The following WDHD1 variants were observed in gnomAD, a reference collection of about 807,000 sequenced individuals.
WDHD1 encodes the protein WD repeat and HMG-box DNA-binding protein 1.
WDHD1 carries 111 observed loss-of-function variants against 135.4 expected under a neutral mutation model. That is an observed-to-expected ratio of 0.82 (90% confidence interval 0.70 to 0.96). The LOEUF is 0.96. Among genes scored for constraint, WDHD1 ranks in the 40% least tolerant of loss-of-function variants. The pLI is 0.00. For synonymous variants in WDHD1, 434 were observed against 439.0 expected, an observed-to-expected ratio of 0.99 and a Z score of 0.14; for missense variants, 1,351 against 1,336.3, an observed-to-expected ratio of 1.01 and a Z score of -0.17.
At chr14:54,980,761 G>A (rs1200409220) in intron 16 of WDHD1, among the ~76,000 whole-genome samples, 1 of 136,026 alleles carries the variant, frequency 7.4e-6, no homozygotes, top group East Asian at 2.1e-4. Flanking sequence ...CTGAGATCAC[G>A]CCACTGTACT....
intron 2 of WDHD1, among the ~76,000 whole-genome samples, chr14:55,014,264 A>AT (rs2042224219): frequency 6.6e-6 from 1 of 152,040 alleles, no homozygotes; most frequent in East Asian, 1.9e-4. Flanking sequence ...TGGCTAATTT[A>AT]TTTTTTGTAG....
chr14:55,005,768 T>C, intron 7 of WDHD1: 1 of 348,936 alleles, frequency 2.9e-6, no homozygotes, highest in Non-Finnish European at 5.3e-6. Flanking sequence ...CAGAAAGCCC[T>C]CATGGGCTTT....
intron 21 of WDHD1, 149 bp downstream of exon 21, chr14:54,962,349 A>T: frequency 1.5e-6 from 1 of 685,316 alleles, no homozygotes. Flanking sequence ...ATAGCTTCAC[A>T]AACAACATCT....
rs1198128976 is a variant in WDHD1, at chr14:55,013,495, C to A, written c.179G>T (p.Cys60Phe). The A allele has an allele frequency of 6.2e-7, 1 of 1,612,384 alleles. No homozygotes were observed. The highest frequency in any genetic ancestry group is 2.2e-5 in the East Asian group (1 of 44,856). The change falls in exon 3 of 26, where the codon TGT becomes TTT. Residue 60 changes from cysteine to phenylalanine, a missense_variant. Cys to Phe is a radical substitution (Grantham distance 205). Transcript: ENST00000360586. The stretch of plus-strand genomic sequence containing the variant: ...AACTGTTTTTACTACCTTCAAAGCA[C>A]ATGAATATGCCTTTTCTCCAACATT... Reference protein sequence around the residue: ...FINVGEKAYSCALKSGKLVTA... With the variant: ...FINVGEKAYSFALKSGKLVTA...
At chr14:55,014,846 G>C (rs961158345) in intron 2 of WDHD1, among the ~76,000 whole-genome samples, 3 of 152,040 alleles carry the variant, frequency 2.0e-5, no homozygotes, top group African/African-American at 7.2e-5. Flanking sequence ...ACACTGGGAA[G>C]TCAAAGAACA....
At position 54,991,397 on chromosome 14, in the gene WDHD1, A is replaced by G; in HGVS notation, c.1157T>C (p.Ile386Thr). Residue 386 changes from isoleucine (I) to threonine (T), a missense_variant, in exon 12 of 26, where the codon ATT (isoleucine) becomes ACT (threonine). Coordinates refer to ENST00000360586, the MANE Select transcript of WDHD1 (RefSeq NM_007086.4). Reference sequence around the variant, plus strand: ...ACTAGAACCAGTTTTTAGCATTGAAATATCTACAACACAAAGGATCATAAT... The same window carrying G: ...ACTAGAACCAGTTTTTAGCATTGAAGTATCTACAACACAAAGGATCATAAT... The part of the protein sequence containing the change: ...ILEDDENSVD[I>T]SMLKTGSSLL... 6.2e-7 allele frequency: 1 copy of G among 1,613,752 alleles called. No individual in the cohort carries two copies. Among genetic ancestry groups the G allele is most frequent in the Non-Finnish European group, 8.5e-7 (1 of 1,179,714 alleles).
chr14:54,955,376 TAATA>T (rs1401910071), intron 24 of WDHD1, among the ~76,000 whole-genome samples, 181 bp downstream of exon 24: 2 of 152,200 alleles, frequency 1.3e-5, no homozygotes, highest in African/African-American at 4.8e-5. Flanking sequence ...AAGCATATTT[TAATA>T]AATATTATAA....
At chr14:54,966,355 C>CAACAA in intron 18 of WDHD1, 120 bp downstream of exon 18, 10 of 1,194,978 alleles carry the variant, frequency 8.4e-6, no homozygotes, top group East Asian at 2.9e-5. Context: ...ACAACAACAA[C>CAACAA]AAAAAAAAAC....
intron 10 of WDHD1, among the ~76,000 whole-genome samples, chr14:54,999,813 C>T (rs1211818060): frequency 6.6e-6 from 1 of 151,978 alleles, no homozygotes; most frequent in Non-Finnish European, 1.5e-5. Flanking sequence ...CACCATGTTG[C>T]CCAGGCTGAT....
At chr14:55,026,926 G>T in intron 1 of WDHD1, 102 bp downstream of exon 1, 1 of 842,004 alleles carries the variant, frequency 1.2e-6, no homozygotes, top group Non-Finnish European at 2.0e-6. Flanking sequence ...TCCCCCACCC[G>T]AGTGACACCA....
At chr14:54,952,629 T>C (rs1363273323) in intron 24 of WDHD1, among the ~76,000 whole-genome samples, 5 of 152,274 alleles carry the variant, frequency 3.3e-5, no homozygotes, top group South Asian at 2.1e-4. Flanking sequence ...CTTCACAGAA[T>C]TGGAAAAAAC....
chr14:54,990,690 A>C (rs1009515598), intron 12 of WDHD1, among the ~76,000 whole-genome samples: 2 of 152,198 alleles, frequency 1.3e-5, no homozygotes, highest in African/African-American at 4.8e-5. Context: ...ACTGTATCAT[A>C]CCTTGTTCCA....
chr14:55,026,577 A>G (rs2042445995), intron 2 of WDHD1, 134 bp downstream of exon 2: 1 of 850,884 alleles, frequency 1.2e-6, no homozygotes, highest in Non-Finnish European at 1.9e-6. Flanking sequence ...ATCTAAAGAA[A>G]TATGTGTGCC....
chr14:54,969,001 C>T (rs2041387984), intron 16 of WDHD1, among the ~76,000 whole-genome samples: 1 of 152,100 alleles, frequency 6.6e-6, no homozygotes, highest in African/African-American at 2.4e-5. Context: ...ATGATCATGC[C>T]ACTGCACTCC....
rs139807986 is a variant in WDHD1 at position 54,987,437 on chromosome 14, C to CATATATAT, written c.1527-58_1527-51dup. On this transcript the variant is annotated intron_variant, in intron 13 of 25. Coordinates refer to ENST00000360586, the MANE Select transcript of WDHD1 (RefSeq NM_007086.4). ...CAATCAAACTTTCATATGATATTTA[C>CATATATAT]ATATATATATATATAAGCAATCATG... 9.9e-3 allele frequency: 13,264 copies of CATATATAT among 1,338,252 alleles called. 30 individuals are homozygous for CATATATAT. The highest frequency in any genetic ancestry group is 0.03 in the African/African-American group (1,984 of 66,020). The allele number at this position is 1,338,252 out of a possible 1,614,324, so 82.9% of individuals were successfully genotyped here.
intron 16 of WDHD1, among the ~76,000 whole-genome samples, chr14:54,980,412 C>A (rs2041598531): frequency 6.6e-6 from 1 of 152,032 alleles, no homozygotes; most frequent in Non-Finnish European, 1.5e-5. Flanking sequence ...ATTTTCATCA[C>A]CCCAAAAAGA....
chr14:54,984,978 T>C, intron 14 of WDHD1, 118 bp from the exon 15 acceptor site: 1 of 1,294,800 alleles, frequency 7.7e-7, no homozygotes, highest in Non-Finnish European at 1.1e-6. Flanking sequence ...AGCACTACTT[T>C]TTATGAATAA....
At chr14:54,977,321 C>T (rs2041541511) in intron 16 of WDHD1, among the ~76,000 whole-genome samples, 1 of 152,034 alleles carries the variant, frequency 6.6e-6, no homozygotes, top group Non-Finnish European at 1.5e-5. Flanking sequence ...AGACCAAATA[C>T]AAAAATAGTT....
intron 11 of WDHD1, among the ~76,000 whole-genome samples, chr14:54,994,091 A>C (rs1303912804): frequency 6.6e-6 from 1 of 152,220 alleles, no homozygotes; most frequent in African/African-American, 2.4e-5. Context: ...GAAGATTTTC[A>C]ATTACAATCT....
Sources: allele counts gnomAD v4.1 joint callset (sites outside exome capture counted in the v4.1 genomes callset), GRCh38; gene constraint gnomAD v4.1.1; transcripts MANE v1.5; gene names NCBI Gene and HGNC (gene_info 2026-07-23, HGNC 2026-07-21).